Variants in VPS13B observed in about 807,000 individuals in gnomAD.
VPS13B encodes the protein intermembrane lipid transfer protein VPS13B.
A neutral mutation model predicts 426.4 loss-of-function variants in VPS13B; 285 were observed. That is an observed-to-expected ratio of 0.67 (90% CI 0.61 to 0.74). The LOEUF is 0.74. VPS13B is among the 30% of genes least tolerant of loss of function. The pLI is 0.00. For missense variants in VPS13B, 4,537 were observed against 4,782.6 expected (o/e 0.95, Z 1.51); for synonymous variants, 1,676 against 1,676.4 (o/e 1.00, Z 0.01).
intron 39 of VPS13B, among the ~76,000 whole-genome samples, chr8:99,744,916 C>T (rs533409153): frequency 2.0e-5 from 3 of 151,846 alleles, no homozygotes; most frequent in Non-Finnish European, 2.9e-5. Context: ...CACATGTATA[C>T]ATATGTAACT....
At chr8:99,418,058 A>T (rs185469910) in intron 21 of VPS13B, among the ~76,000 whole-genome samples, 4 of 152,216 alleles carry the variant, frequency 2.6e-5, no homozygotes, top group African/African-American at 9.6e-5. Context: ...TGTCACAAAG[A>T]GTTTTTTGAT....
At chr8:99,646,282 A>C (rs548568279) in intron 34 of VPS13B, among the ~76,000 whole-genome samples, 6 of 152,292 alleles carry the variant, frequency 3.9e-5, no homozygotes, top group African/African-American at 1.4e-4. Flanking sequence ...TGGGAGGCCA[A>C]AGTGGGTGGA....
intron 3 of VPS13B, among the ~76,000 whole-genome samples, chr8:99,079,733 A>G (rs1237009449): frequency 6.6e-6 from 1 of 152,068 alleles, no homozygotes; most frequent in African/African-American, 2.4e-5. Context: ...ATAGTTTCAT[A>G]CTTGAATTTT....
At chr8:99,324,584 C>G (rs994585121) in intron 19 of VPS13B, among the ~76,000 whole-genome samples, 1 of 152,080 alleles carries the variant, frequency 6.6e-6, no homozygotes, top group African/African-American at 2.4e-5. Flanking sequence ...TTGGACTACT[C>G]CATGAGATTT....
chr8:99,624,020 T>A (rs1340781117), intron 33 of VPS13B, among the ~76,000 whole-genome samples: 22 of 142,156 alleles, frequency 1.5e-4, no homozygotes, highest in East Asian at 4.0e-4. Flanking sequence ...TTTTTTTTTT[T>A]TTTTTTTTTT....
At chr8:99,219,006 T>G (rs141755830) in intron 17 of VPS13B, among the ~76,000 whole-genome samples, 6 of 152,198 alleles carry the variant, frequency 3.9e-5, no homozygotes, top group Non-Finnish European at 8.8e-5. Flanking sequence ...TTGATTCCAG[T>G]TGACCTCATC....
At chr8:99,691,600 A>G (rs1831669692) in intron 35 of VPS13B, among the ~76,000 whole-genome samples, 1 of 151,936 alleles carries the variant, frequency 6.6e-6, no homozygotes, top group Non-Finnish European at 1.5e-5. Context: ...GCCAAAATGT[A>G]AAGACCATCG....
At chr8:99,533,631 C>T (rs577473430) in intron 30 of VPS13B, among the ~76,000 whole-genome samples, 1 of 152,138 alleles carries the variant, frequency 6.6e-6, no homozygotes, top group Non-Finnish European at 1.5e-5. Flanking sequence ...ACAAGATTAA[C>T]ATTCTTTTAT....
At chr8:99,381,687 G>A (rs1020114873) in intron 19 of VPS13B, among the ~76,000 whole-genome samples, 5 of 151,644 alleles carry the variant, frequency 3.3e-5, no homozygotes, top group African/African-American at 1.2e-4. Context: ...TATGCTTGTT[G>A]GCCATATGTA....
chr8:99,873,929 A>T (rs1203962479), intron 61 of VPS13B, among the ~76,000 whole-genome samples: 2 of 152,156 alleles, frequency 1.3e-5, no homozygotes, highest in Non-Finnish European at 2.9e-5. Context: ...TCTATAAATG[A>T]CTTTTCTGGT....
chr8:99,870,382 G>GACTC (rs1442486478), intron 59 of VPS13B, among the ~76,000 whole-genome samples: 1 of 151,976 alleles, frequency 6.6e-6, no homozygotes, highest in Non-Finnish European at 1.5e-5. Flanking sequence ...CTCTAACTCT[G>GACTC]ACTCAAGCAA....
In VPS13B at chr8:99,543,325, A is replaced by G. The variant is rs540124032; in HGVS notation, c.4746-13125A>G. Among the ~76,000 whole-genome samples, 821 of 152,350 alleles carry G rather than the reference A, an allele frequency of 5.4e-3. 7 individuals are homozygous for G. The highest frequency in any genetic ancestry group is 0.019 in the African/African-American group (790 of 41,566). On this transcript the variant is annotated intron_variant, in intron 30 of 61. Transcript: ENST00000357162. ...CAAAAATCAATTCAAGATGGATTAAAGACTTAAACGTTACACCTAAAACCA... is the reference window on the plus strand; with the variant it reads ...CAAAAATCAATTCAAGATGGATTAAGGACTTAAACGTTACACCTAAAACCA...
At chr8:99,483,323 A>G (rs973332886) in intron 25 of VPS13B, among the ~76,000 whole-genome samples, 2 of 152,128 alleles carry the variant, frequency 1.3e-5, no homozygotes, top group African/African-American at 4.8e-5. Context: ...AAGTCTAGAA[A>G]TGAGCCTGTA....
intron 3 of VPS13B, among the ~76,000 whole-genome samples, chr8:99,082,276 G>A (rs1476864041): frequency 6.6e-6 from 1 of 152,158 alleles, no homozygotes; most frequent in Admixed American, 6.5e-5. Flanking sequence ...ATAAGTGTCT[G>A]TTCATATCCT....
intron 21 of VPS13B, among the ~76,000 whole-genome samples, chr8:99,416,052 T>C (rs1324337312): frequency 2.0e-5 from 3 of 152,142 alleles, no homozygotes; most frequent in Non-Finnish European, 2.9e-5. Flanking sequence ...CCTAGGGAGA[T>C]GGGAGTTTTA....
At chr8:99,573,699 A>G (rs374927207) in intron 31 of VPS13B, among the ~76,000 whole-genome samples, 19 of 152,058 alleles carry the variant, frequency 1.2e-4, no homozygotes, top group South Asian at 2.1e-4. Context: ...TTTGGTTACT[A>G]TAGCCTTGTA....
At chr8:99,871,365 G>A in intron 60 of VPS13B, 83 bp from the exon 61 acceptor site, 1 of 1,604,334 alleles carries the variant, frequency 6.2e-7, no homozygotes, top group South Asian at 1.1e-5. Flanking sequence ...TGTGGAGGTT[G>A]CCCCATTGGT....
intron 12 of VPS13B, 135 bp from the exon 13 acceptor site, chr8:99,142,839 C>G (rs2132580551): frequency 5.0e-6 from 4 of 792,416 alleles, no homozygotes; most frequent in East Asian, 2.7e-5. Context: ...CAGCAGGGCT[C>G]TCTGTATGCA....
intron 23 of VPS13B, among the ~76,000 whole-genome samples, chr8:99,448,107 T>G (rs1171966578): frequency 6.7e-6 from 1 of 148,570 alleles, no homozygotes; most frequent in Non-Finnish European, 1.5e-5. Context: ...TATTATATTC[T>G]CAGGTGGTTT....
Sources: gnomAD v4.1 joint callset for allele counts (sites outside exome capture counted in the v4.1 genomes callset) on GRCh38, gnomAD v4.1.1 for gene constraint, MANE v1.5 for transcripts, NCBI Gene and HGNC (gene_info 2026-07-23, HGNC 2026-07-21) for gene names.